The following MORN1 variants were observed in gnomAD, a reference collection of about 807,000 sequenced individuals.
MORN1 encodes the protein MORN repeat-containing protein 1.
Under a neutral mutation model 61.9 loss-of-function variants are expected in MORN1, and 67 were observed. The observed-to-expected ratio is 1.08, with a 90% CI of 0.89 to 1.33. MORN1 has a LOEUF of 1.33. Among genes scored for constraint, MORN1 ranks in the 40% most tolerant of loss-of-function variants. MORN1 has a pLI of 0.00. For synonymous variants in MORN1, 301 were observed against 292.0 expected, an observed-to-expected ratio of 1.03 and a Z score of -0.31; for missense variants, 752 against 691.2, an observed-to-expected ratio of 1.09 and a Z score of -0.99.
At chr1:2,324,031 G>C in intron 13 of MORN1, 66 bp downstream of exon 13, 1 of 1,528,014 alleles carries the variant, frequency 6.5e-7, no homozygotes, top group Non-Finnish European at 8.8e-7. Context: ...CTCCAGCCCT[G>C]GGCTGCGGCC....
intron 8 of MORN1, among the ~76,000 whole-genome samples, chr1:2,369,355 GAAAAAAA>G (rs55703845): frequency 1.2e-5 from 1 of 80,654 alleles, no homozygotes; most frequent in African/African-American, 6.1e-5. Context: ...CTCAGTCTCA[GAAAAAAA>G]AAAAAAAAAA....
At position 2,334,417 on chromosome 1, in the gene MORN1, T is replaced by G. The variant is rs906996077; in HGVS notation, c.1250+2052A>C. Among the ~76,000 whole-genome samples, 6 of 152,166 alleles carry G rather than the reference T, an allele frequency of 3.9e-5. No homozygotes were observed. The highest frequency in any genetic ancestry group is 7.4e-5 in the Non-Finnish European group (5 of 68,026). ...AGCCCTTCACCTCCATGCTGGGTTC[T>G]CAACCCAGGAGCGGGCAGAGCTTAC... On this transcript the variant is annotated intron_variant, in intron 12 of 13. Coordinates refer to ENST00000378531, the MANE Select transcript of MORN1 (RefSeq NM_024848.3). The surrounding 1 kb of genome is among the most constrained non-coding windows in gnomAD (Gnocchi z 5.4).
rs141488976 is a variant in MORN1 at position 2,374,778 on chromosome 1, A to G, written c.538-221T>C. 163 of 521,666 alleles carry G rather than the reference A, an allele frequency of 3.1e-4. 1 individual carries two copies. Among genetic ancestry groups the G allele is most frequent in the African/African-American group, 3.0e-3 (156 of 52,558 alleles). The allele number at this position is 521,666 out of a possible 1,614,324, so 32.3% of individuals were successfully genotyped here. Reference sequence around the variant, plus strand: ...GCTTTGCAAAATATACTCCCTTTGGAATTTTAACGATGCCAGGAGGTATGG... The same window carrying G: ...GCTTTGCAAAATATACTCCCTTTGGGATTTTAACGATGCCAGGAGGTATGG... On this transcript the variant is annotated intron_variant, in intron 6 of 13. Transcript: ENST00000378531.
At chr1:2,356,053 C>T (rs978995804) in intron 10 of MORN1, among the ~76,000 whole-genome samples, 5 of 152,206 alleles carry the variant, frequency 3.3e-5, no homozygotes, top group Admixed American at 6.5e-5. Flanking sequence ...GGGGATCACC[C>T]CAGTGCGGCA....
chr1:2,333,185 T>C (rs1228764317), intron 12 of MORN1, among the ~76,000 whole-genome samples: 2 of 152,342 alleles, frequency 1.3e-5, no homozygotes, highest in East Asian at 3.9e-4. Flanking sequence ...CGCCTGGAGA[T>C]GCTCCTGGTG....
intron 7 of MORN1, 94 bp downstream of exon 7, chr1:2,374,367 C>T (rs759138530): frequency 2.1e-5 from 23 of 1,079,346 alleles, no homozygotes; most frequent in Non-Finnish European, 3.2e-5. Context: ...CCCCAGTGTG[C>T]TCTTGGTCAG....
At chr1:2,376,803 T>G (rs1311183785) in intron 6 of MORN1, 1 of 152,154 alleles carries the variant, frequency 6.6e-6, no homozygotes, top group African/African-American at 2.4e-5. Flanking sequence ...GAGTGATCAA[T>G]TCAACTGATC....
chr1:2,369,303 G>A (rs1255223794), intron 8 of MORN1, among the ~76,000 whole-genome samples: 1 of 146,556 alleles, frequency 6.8e-6, no homozygotes, highest in East Asian at 2.0e-4. Context: ...GCAGTGAGCC[G>A]AGATTGAGCC....
intron 6 of MORN1, among the ~76,000 whole-genome samples, chr1:2,380,466 G>A (rs1002591841): frequency 2.0e-5 from 3 of 152,182 alleles, no homozygotes; most frequent in South Asian, 2.1e-4. Context: ...GTGAGACCTC[G>A]CCTCTTCAAA....
chr1:2,390,752 C>CTT (rs35593344), intron 1 of MORN1: 486 of 870,620 alleles, frequency 5.6e-4, no homozygotes, highest in East Asian at 7.4e-4. Flanking sequence ...AAAACCTGCT[C>CTT]TTTTTTTTTT....
At chr1:2,345,583 G>A (rs921500944) in intron 10 of MORN1, among the ~76,000 whole-genome samples, 5 of 152,220 alleles carry the variant, frequency 3.3e-5, no homozygotes, top group African/African-American at 1.2e-4. Flanking sequence ...ACAGGCTGCC[G>A]GCAGCATTGC....
rs924856955 is a variant in MORN1 at position 2,337,339 on chromosome 1, G to A, written c.1037-489C>T. 6.6e-6 allele frequency among the ~76,000 whole-genome samples: 1 copy of A among 152,186 alleles called. No individual in the cohort carries two copies. The highest frequency in any genetic ancestry group is 1.5e-5 in the Non-Finnish European group (1 of 68,024). ...TCAGGACCCGTTCTCCACAGGCGTG[G>A]AGGGAGACACCGAGGGTGGCTGCGA... On this transcript the variant is annotated intron_variant, in intron 10 of 13. Transcript: ENST00000378531. The surrounding 1 kb of genome is among the most constrained non-coding windows in gnomAD (Gnocchi z 5.7).
At chr1:2,344,757 C>T (rs11589063) in intron 10 of MORN1, among the ~76,000 whole-genome samples, 2 of 152,180 alleles carry the variant, frequency 1.3e-5, no homozygotes, top group South Asian at 2.1e-4. Flanking sequence ...CGAGCCACAA[C>T]AGCTGCCTGC....
intron 8 of MORN1, among the ~76,000 whole-genome samples, chr1:2,366,028 G>A (rs1337965603): frequency 6.8e-6 from 1 of 146,544 alleles, no homozygotes; most frequent in Non-Finnish European, 1.5e-5. Context: ...ACATGCACAC[G>A]TATGTTTATT....
At chr1:2,342,533 C>T (rs982760221) in intron 10 of MORN1, among the ~76,000 whole-genome samples, 19 of 152,234 alleles carry the variant, frequency 1.2e-4, no homozygotes, top group African/African-American at 1.9e-4. Context: ...TCATTAGAGA[C>T]GCAGGGTGGG....
At chr1:2,324,351 G>T (rs1291830128) in intron 12 of MORN1, among the ~76,000 whole-genome samples, 1 of 152,192 alleles carries the variant, frequency 6.6e-6, no homozygotes, top group Non-Finnish European at 1.5e-5. Context: ...CGGAACCGTG[G>T]GCTGCCCTGT....
intron 12 of MORN1, among the ~76,000 whole-genome samples, chr1:2,324,977 G>GGCC (rs1553205699): frequency 6.6e-6 from 1 of 151,144 alleles, no homozygotes; most frequent in African/African-American, 2.4e-5. Context: ...GAGGAAGCTG[G>GGCC]GCCCGGCAGG....
At position 2,357,302 on chromosome 1, in the gene MORN1, G is replaced by A. The variant is rs879323405; in HGVS notation, c.1036+130C>T. 326 of 982,164 alleles carry A rather than the reference G, an allele frequency of 3.3e-4. No individual in the cohort carries two copies. The highest frequency in any genetic ancestry group is 4.6e-4 in the Non-Finnish European group (312 of 675,212). The allele number at this position is 982,164 out of a possible 1,614,324, so 60.8% of individuals were successfully genotyped here. A position where few individuals can be genotyped will look rare whatever the true frequency, so the allele number is the denominator to read the frequency against. ...CCCGGCCCTGCCTCCTTTCACCCAC[G>A]CGTGATGACTGACCCTGGGTGCGGC... On this transcript the variant is annotated intron_variant, in intron 10 of 13. Transcript: ENST00000378531. This position sits in a 1 kb window ranked among gnomAD's most constrained non-coding sequence, Gnocchi z 6.3.
At chr1:2,386,299 A>T (rs1352377288) in intron 4 of MORN1, 1 of 199,116 alleles carries the variant, frequency 5.0e-6, no homozygotes, top group Non-Finnish European at 1.0e-5. Context: ...TCAAGTTCAC[A>T]GTGAGGAGGG....
Sources: gnomAD v4.1 joint callset for allele counts (sites outside exome capture counted in the v4.1 genomes callset) on GRCh38, gnomAD v4.1.1 for gene constraint, Gnocchi (gnomAD v3.1) non-coding constraint, MANE v1.5 for transcripts, NCBI Gene and HGNC (gene_info 2026-07-23, HGNC 2026-07-21) for gene names.